SH2D4A: variants seen among roughly 807,000 people sequenced by gnomAD.
SH2D4A encodes the protein SH2 domain-containing protein 4A.
In SH2D4A, 70 loss-of-function variants were observed where a neutral mutation model predicts 64.7. That is an observed-to-expected ratio of 1.08 (90% CI 0.89 to 1.32). SH2D4A has a LOEUF of 1.32. SH2D4A is among the 40% of genes most tolerant of loss of function. The pLI, the probability that SH2D4A is intolerant of heterozygous loss-of-function variation, is 0.00. For missense variants in SH2D4A, 706 were observed against 540.1 expected, an observed-to-expected ratio of 1.31 and a Z score of -3.04; for synonymous variants, 268 against 200.7, an observed-to-expected ratio of 1.34 and a Z score of -2.83.
chr8:19,318,592 T>G (rs1013964924), intron 1 of SH2D4A, among the ~76,000 whole-genome samples: 1 of 152,202 alleles, frequency 6.6e-6, no homozygotes, highest in Non-Finnish European at 1.5e-5. Flanking sequence ...TAATGACCTC[T>G]TCATCCCCCT....
At chr8:19,344,756 G>A (rs527612331) in intron 4 of SH2D4A, among the ~76,000 whole-genome samples, 82 of 139,502 alleles carry the variant, frequency 5.9e-4, no homozygotes, top group Non-Finnish European at 1.1e-3. Flanking sequence ...TCTGGGCCCA[G>A]AAGTGTTTCA....
rs2052703170 is a variant in SH2D4A at position 19,351,438 on chromosome 8, T to C, written c.514-5765T>C. 3.3e-5 allele frequency among the ~76,000 whole-genome samples: 5 copies of C among 151,968 alleles called. 1 individual carries two copies. The South Asian group carries it at 1.0e-3, about 32-fold the overall frequency. ...CTAACACGGTGAAACCCCGTCTCTA[T>C]TAAAAATACAAAAAATTAGCCAGGC... On this transcript the variant is annotated intron_variant, in intron 4 of 9. Transcript: ENST00000265807.
At chr8:19,383,766 T>C (rs962328036) in intron 8 of SH2D4A, among the ~76,000 whole-genome samples, 4 of 152,278 alleles carry the variant, frequency 2.6e-5, no homozygotes, top group Admixed American at 6.5e-5. Flanking sequence ...ATTTTCCGCA[T>C]ATATGCAATT....
rs1182509134 is a variant in SH2D4A at position 19,319,583 on chromosome 8, TC to T, written c.38del (p.Pro13LeufsTer19). The T allele has an allele frequency of 6.2e-7, 1 of 1,601,452 alleles. No homozygotes were observed. The highest frequency in any genetic ancestry group is 8.5e-7 in the Non-Finnish European group (1 of 1,175,322). ...KQILSEMYID[P>X]DLLAELSEEQ... Reference sequence around the variant, plus strand: ...AGATACTGTCGGAGATGTACATAGATCCTGATCTACTGGCAGAGCTCAGCGA... The same window carrying T: ...AGATACTGTCGGAGATGTACATAGATCTGATCTACTGGCAGAGCTCAGCGA... On this transcript the variant is annotated frameshift_variant, in exon 2 of 10. Coordinates refer to ENST00000265807, the MANE Select transcript of SH2D4A (RefSeq NM_022071.4). LOFTEE classifies it high-confidence loss of function.
intron 4 of SH2D4A, among the ~76,000 whole-genome samples, chr8:19,344,776 T>A (rs1462119259): frequency 2.1e-4 from 2 of 9,392 alleles, no homozygotes; most frequent in East Asian, 5.7e-3. Context: ...AGATTTCAGC[T>A]TTTTTTTCCC....
intron 8 of SH2D4A, among the ~76,000 whole-genome samples, chr8:19,389,028 C>G (rs961099485): frequency 6.6e-5 from 10 of 152,138 alleles, no homozygotes; most frequent in Non-Finnish European, 1.2e-4. Flanking sequence ...CTTGAGTGCT[C>G]AGATGGAGGT....
intron 3 of SH2D4A, among the ~76,000 whole-genome samples, chr8:19,334,457 C>G (rs2052412580): frequency 1.3e-5 from 2 of 152,134 alleles, no homozygotes; most frequent in South Asian, 4.1e-4. Context: ...TACAAAATTT[C>G]TTGGAGCTCT....
intron 9 of SH2D4A, 132 bp from the exon 10 acceptor site, chr8:19,394,417 CT>C: frequency 1.7e-6 from 1 of 583,544 alleles, no homozygotes; most frequent in South Asian, 2.9e-5. Flanking sequence ...AGAAAAATGC[CT>C]TTTAAGATGA....
chr8:19,366,034 C>A (rs1275209881), intron 7 of SH2D4A, among the ~76,000 whole-genome samples: 1 of 151,056 alleles, frequency 6.6e-6, no homozygotes, highest in Non-Finnish European at 1.5e-5. Flanking sequence ...ATATATATAT[C>A]TGACAGTATG....
At chr8:19,322,289 T>G (rs1460446171) in intron 2 of SH2D4A, among the ~76,000 whole-genome samples, 2 of 152,196 alleles carry the variant, frequency 1.3e-5, no homozygotes, top group Non-Finnish European at 2.9e-5. Context: ...CCTTGTGGGT[T>G]GACAGGTCAC....
chr8:19,365,713 A>C (rs912223046), intron 7 of SH2D4A, among the ~76,000 whole-genome samples: 2 of 152,174 alleles, frequency 1.3e-5, no homozygotes, highest in Admixed American at 1.3e-4. Context: ...CACTGCATGA[A>C]GTGCTTTTTG....
chr8:19,353,647 G>A lies in SH2D4A; in HGVS notation c.514-3556G>A, dbSNP rs935727826. The stretch of plus-strand genomic sequence containing the variant: ...CTCCCAAAGTGCTGGGATTACAGGC[G>A]TGAGCCACCACACCTGGCCTCTAGC... On this transcript the variant is annotated intron_variant, in intron 4 of 9. Transcript: ENST00000265807. Among the ~76,000 whole-genome samples the A allele has an allele frequency of 8.9e-5, 13 of 145,636 alleles. 1 individual carries two copies. Among genetic ancestry groups the A allele is most frequent in the South Asian group, 4.4e-4 (2 of 4,586 alleles).
intron 2 of SH2D4A, among the ~76,000 whole-genome samples, chr8:19,322,605 T>G (rs1215203302): frequency 7.2e-6 from 1 of 137,964 alleles, no homozygotes; most frequent in African/African-American, 2.7e-5. Flanking sequence ...GAAACTTGTC[T>G]ATTATTCTTT....
chr8:19,356,845 G>T (rs2052799168), intron 4 of SH2D4A, among the ~76,000 whole-genome samples: 1 of 152,198 alleles, frequency 6.6e-6, no homozygotes, highest in African/African-American at 2.4e-5. Context: ...ACTAAAACAG[G>T]GTATGCAGAG....
chr8:19,386,442 C>T (rs1264959478), intron 8 of SH2D4A, among the ~76,000 whole-genome samples: 1 of 152,196 alleles, frequency 6.6e-6, no homozygotes, highest in East Asian at 1.9e-4. Flanking sequence ...GGGAATAGCC[C>T]ATTAGCTCCA....
chr8:19,365,001 T>A (rs1380541079), intron 7 of SH2D4A, among the ~76,000 whole-genome samples: 3 of 152,224 alleles, frequency 2.0e-5, no homozygotes, highest in Non-Finnish European at 4.4e-5. Flanking sequence ...TGATCTTATT[T>A]TTAACATCCT....
At chr8:19,374,439 C>T (rs2053160467) in intron 8 of SH2D4A, among the ~76,000 whole-genome samples, 1 of 152,166 alleles carries the variant, frequency 6.6e-6, no homozygotes. Flanking sequence ...AACAAAAATA[C>T]AGTCCCCTCC....
At chr8:19,370,946 GT>G in intron 7 of SH2D4A, among the ~76,000 whole-genome samples, 1 of 152,138 alleles carries the variant, frequency 6.6e-6, no homozygotes, top group East Asian at 1.9e-4. Context: ...GTTATAACAA[GT>G]TATTTTAGAG....
chr8:19,359,346 A>G (rs892642488), intron 5 of SH2D4A, among the ~76,000 whole-genome samples: 3 of 152,202 alleles, frequency 2.0e-5, no homozygotes, highest in South Asian at 2.1e-4. Flanking sequence ...TACATCTGTT[A>G]TTATTAATAT....
Sources: allele counts gnomAD v4.1 joint callset (sites outside exome capture counted in the v4.1 genomes callset), GRCh38; gene constraint gnomAD v4.1.1; transcripts MANE v1.5; gene names NCBI Gene and HGNC (gene_info 2026-07-23, HGNC 2026-07-21).